Variants in OTUD7A observed in about 807,000 individuals in gnomAD.
OTUD7A encodes the protein OTU domain-containing protein 7A.
In OTUD7A, 12 loss-of-function variants were observed where a neutral mutation model predicts 65.7. The observed-to-expected ratio is 0.18, with a 90% CI of 0.12 to 0.30. The LOEUF is 0.30. OTUD7A is among the 10% of genes least tolerant of loss of function. The pLI, the probability that OTUD7A is intolerant of heterozygous loss-of-function variation, is 1.00. For synonymous variants in OTUD7A, 641 were observed against 586.3 expected, an observed-to-expected ratio of 1.09 and a Z score of -1.35; for missense variants, 1,148 against 1,304.8, an observed-to-expected ratio of 0.88 and a Z score of 1.85.
chr15:31,540,934 G>A (rs1887969099), intron 5 of OTUD7A, among the ~76,000 whole-genome samples: 1 of 152,180 alleles, frequency 6.6e-6, no homozygotes, highest in African/African-American at 2.4e-5. Context: ...AATGAGGCAA[G>A]TACAGAAAAT....
chr15:31,618,419 T>C (rs1890663851), intron 3 of OTUD7A, among the ~76,000 whole-genome samples: 1 of 152,226 alleles, frequency 6.6e-6, no homozygotes, highest in Non-Finnish European at 1.5e-5. Flanking sequence ...TTCCTATTTC[T>C]CCACATCCTC....
rs2041177639 is a variant in OTUD7A, at chr15:31,483,751, T to C, written c.2345A>G (p.Gln782Arg). 8 of 1,090,626 alleles carry C rather than the reference T, an allele frequency of 7.3e-6. No homozygotes were observed. The highest frequency in any genetic ancestry group is 8.9e-6 in the Non-Finnish European group (8 of 900,690). The allele number at this position is 1,090,626 out of a possible 1,614,324, so 67.6% of individuals were successfully genotyped here. A position where few individuals can be genotyped will look rare whatever the true frequency, so the allele number is the denominator to read the frequency against. ...CGCCTCGTCCCGCGCGCCCGACGCC[T>C]GCACGTGGATGACGCTCTGGCGCGC... ...APARQSVIHVQASGARDEACA... is the reference protein window; with the variant it reads ...APARQSVIHVRASGARDEACA... Residue 782 changes from glutamine to arginine, a missense_variant, in exon 13 of 13, where the codon CAG becomes CGG. Coordinates refer to ENST00000307050, the MANE Select transcript of OTUD7A (RefSeq NM_001382637.1).
intron 9 of OTUD7A, 131 bp downstream of exon 9, chr15:31,503,560 G>T (rs1165997420): frequency 3.2e-6 from 4 of 1,232,884 alleles, no homozygotes; most frequent in East Asian, 4.7e-5. Flanking sequence ...GAAACACGTC[G>T]AGGAGATCTT....
chr15:31,655,843 T>C (rs1255142127), intron 2 of OTUD7A, among the ~76,000 whole-genome samples: 44 of 152,242 alleles, frequency 2.9e-4, no homozygotes, highest in Admixed American at 4.6e-4. Flanking sequence ...AAAAATTCAG[T>C]TGGAGTTGCT....
Position 31,484,843 on chromosome 15 carries a change from C to G in OTUD7A, c.1372-119G>C. On this transcript the variant is annotated intron_variant, in intron 12 of 12. Coordinates refer to ENST00000307050, the MANE Select transcript of OTUD7A (RefSeq NM_001382637.1). This position sits in a 1 kb window ranked among gnomAD's most constrained non-coding sequence, Gnocchi z 4.5. ...GCTAGGGCCCTGGACCTTCACTGTC[C>G]CAGTCCCCACTGTCGCTCTGGTGAC... 6.9e-7 allele frequency: 1 copy of G among 1,458,854 alleles called. No individual in the cohort carries two copies. The allele number at this position is 1,458,854 out of a possible 1,614,324, so 90.4% of individuals were successfully genotyped here.
intron 8 of OTUD7A, among the ~76,000 whole-genome samples, chr15:31,520,857 A>G (rs1005540528): frequency 3.9e-5 from 6 of 152,218 alleles, no homozygotes; most frequent in Admixed American, 3.9e-4. Context: ...ACTATTCACA[A>G]TGGCAAAAAG....
intron 1 of OTUD7A, among the ~76,000 whole-genome samples, chr15:31,860,677 G>GTGTATATATATATATATGTATATA (rs560896384): frequency 9.6e-5 from 7 of 73,284 alleles, no homozygotes; most frequent in Non-Finnish European, 7.9e-5. Flanking sequence ...ATGTATGTGT[G>GTGTATATATATATATATGTATATA]TATATATATA....
chr15:31,839,752 G>A (rs572808697), intron 1 of OTUD7A, among the ~76,000 whole-genome samples: 11 of 152,134 alleles, frequency 7.2e-5, no homozygotes, highest in Non-Finnish European at 1.3e-4. Flanking sequence ...ACCATGGTCA[G>A]GTATAAATAA....
intron 1 of OTUD7A, among the ~76,000 whole-genome samples, chr15:31,693,647 C>T (rs1203693785): frequency 6.6e-6 from 1 of 152,128 alleles, no homozygotes; most frequent in East Asian, 1.9e-4. Context: ...GGACACACCG[C>T]GTGTCTGGGG....
Position 31,487,247 on chromosome 15 carries a change from G to C in OTUD7A, c.1318C>G (p.Leu440Val), listed in dbSNP as rs1180642646. The C allele has an allele frequency of 6.2e-7, 1 of 1,614,006 alleles. No individual in the cohort carries two copies. The highest frequency in any genetic ancestry group is 1.3e-5 in the African/African-American group (1 of 74,932). ...GTCACGTTCATGTAGCTGTGCAGAA[G>C]GTTCAGCTTGGCTTCTAGCGACAGG... ...LILSLEAKLN[L>V]LHSYMNVTWI... Residue 440 changes from leucine (L) to valine (V), a missense_variant, in exon 12 of 13, where the codon CTT becomes GTT. By Grantham distance (32) the Leu-to-Val change is conservative. Transcript: ENST00000307050. This position sits in a 1 kb window ranked among gnomAD's most constrained non-coding sequence, Gnocchi z 6.0.
intron 1 of OTUD7A, among the ~76,000 whole-genome samples, chr15:31,856,759 T>C (rs4779930): frequency 0.95 from 144,973 of 152,326 alleles, 69,381 homozygotes; most frequent in East Asian, 1. Context: ...TTTGAACAAT[T>C]CTTTGGTATG....
chr15:31,862,956 G>A (rs898644852), intron 1 of OTUD7A, among the ~76,000 whole-genome samples: 3 of 152,162 alleles, frequency 2.0e-5, no homozygotes, highest in South Asian at 4.1e-4. Context: ...TACAATGGGG[G>A]TACAGGTATT....
At chr15:31,525,666 G>A (rs2042000766) in intron 8 of OTUD7A, among the ~76,000 whole-genome samples, 1 of 152,232 alleles carries the variant, frequency 6.6e-6, no homozygotes, top group African/African-American at 2.4e-5. Context: ...CAACACCTTT[G>A]CTTTCAGGTT....
intron 1 of OTUD7A, among the ~76,000 whole-genome samples, chr15:31,734,313 G>A (rs910380485): frequency 1.3e-5 from 2 of 152,150 alleles, no homozygotes; most frequent in African/African-American, 4.8e-5. Flanking sequence ...CAATATGATT[G>A]AAGTGGCCAT....
intron 5 of OTUD7A, among the ~76,000 whole-genome samples, chr15:31,540,892 G>C (rs1241304121): frequency 6.6e-6 from 1 of 152,176 alleles, no homozygotes. Context: ...CAGAGTGCCT[G>C]GTGCTGCTTA....
intron 5 of OTUD7A, chr15:31,557,799 C>T (rs112237576): frequency 6.6e-6 from 1 of 152,180 alleles, no homozygotes; most frequent in Non-Finnish European, 1.5e-5. Flanking sequence ...TACTTCTCTC[C>T]TGTCTTCTTC....
chr15:31,608,089 A>T (rs1393301003), intron 3 of OTUD7A, among the ~76,000 whole-genome samples: 1 of 152,184 alleles, frequency 6.6e-6, no homozygotes, highest in Non-Finnish European at 1.5e-5. Flanking sequence ...TCTACTAAAA[A>T]TACAAAAATT....
intron 1 of OTUD7A, among the ~76,000 whole-genome samples, chr15:31,662,980 A>G (rs1892207365): frequency 1.3e-5 from 2 of 152,034 alleles, no homozygotes; most frequent in Non-Finnish European, 2.9e-5. Context: ...AAGTTCTTAC[A>G]ATTTATAGCA....
intron 1 of OTUD7A, among the ~76,000 whole-genome samples, chr15:31,665,161 C>A (rs565900674): frequency 1.3e-5 from 2 of 152,014 alleles, no homozygotes; most frequent in Non-Finnish European, 2.9e-5. Context: ...TGGTTCCATA[C>A]GAATTTTAGA....
Sources: gnomAD v4.1 joint callset for allele counts (sites outside exome capture counted in the v4.1 genomes callset) on GRCh38, gnomAD v4.1.1 for gene constraint, Gnocchi (gnomAD v3.1) non-coding constraint, MANE v1.5 for transcripts, NCBI Gene and HGNC (gene_info 2026-07-23, HGNC 2026-07-21) for gene names.